Variants in KIAA1671 observed in about 807,000 individuals in gnomAD.
KIAA1671 encodes KIAA1671, also known as uncharacterized protein KIAA1671.
In KIAA1671, 52 loss-of-function variants were observed where a neutral mutation model predicts 131.2. That is an observed-to-expected ratio of 0.40 (90% CI 0.32 to 0.50). KIAA1671 has a LOEUF of 0.50. KIAA1671 is among the 20% of genes least tolerant of loss of function. The pLI, the probability that KIAA1671 is intolerant of heterozygous loss-of-function variation, is 0.73. For synonymous variants in KIAA1671, 1,003 were observed against 961.6 expected, an observed-to-expected ratio of 1.04 and a Z score of -0.80; for missense variants, 2,360 against 2,364.2, an observed-to-expected ratio of 1.00 and a Z score of 0.04.
At chr22:25,106,300 G>A (rs1269446636) in intron 6 of KIAA1671, among the ~76,000 whole-genome samples, 1 of 152,172 alleles carries the variant, frequency 6.6e-6, no homozygotes, top group Non-Finnish European at 1.5e-5. Flanking sequence ...CCTGAGTGTT[G>A]TGTTCTGTAT....
In KIAA1671 at chr22:25,174,361, T is replaced by C. The variant is rs1601382602; in HGVS notation, c.4771T>C (p.Ser1591Pro). Residue 1591 changes from serine to proline, a missense_variant, in exon 8 of 13, where the codon TCC (serine) becomes CCC (proline). By Grantham distance (74) the Ser-to-Pro change is moderately conservative. Transcript: ENST00000358431. ...PTSAGDQYDC[S>P]RDQRSTSVDH... ...CTCGGCAGGGGACCAGTATGACTGCTCCAGGGACCAGCGGAGCACCAGCGT... is the reference window on the plus strand; with the variant it reads ...CTCGGCAGGGGACCAGTATGACTGCCCCAGGGACCAGCGGAGCACCAGCGT... The C allele has an allele frequency of 6.4e-7, 1 of 1,551,986 alleles. No homozygotes were observed. The highest frequency in any genetic ancestry group is 2.0e-5 in the Admixed American group (1 of 50,996).
In KIAA1671 at chr22:25,189,311, T is replaced by A. The variant is rs1007092615; in HGVS notation, c.5343-1391T>A. Among the ~76,000 whole-genome samples the A allele has an allele frequency of 5.3e-5, 8 of 151,992 alleles. No individual in the cohort carries two copies. In the East Asian group the frequency reaches 1.5e-3, roughly 29 times the overall value. On this transcript the variant is annotated intron_variant, in intron 11 of 12. Coordinates refer to ENST00000358431, the MANE Select transcript of KIAA1671 (RefSeq NM_001145206.2). ...CCTCAGCCTCCTGAGTAGCTGGGAC[T>A]ACAGGCACCCACCACCACACCCGGC...
chr22:25,031,726 C>T (rs1170834692), intron 3 of KIAA1671, among the ~76,000 whole-genome samples: 2 of 152,168 alleles, frequency 1.3e-5, no homozygotes, highest in African/African-American at 4.8e-5. Context: ...ACACCTATGC[C>T]ACGGTCCTAA....
intron 6 of KIAA1671, among the ~76,000 whole-genome samples, chr22:25,157,228 A>T (rs575730480): frequency 6.6e-5 from 10 of 152,182 alleles, no homozygotes; most frequent in Middle Eastern, 3.4e-3. Context: ...GAGGTAGAAT[A>T]AAAAAAAGTC....
At chr22:25,052,781 A>G (rs1233478063) in intron 6 of KIAA1671, 7 of 152,054 alleles carry the variant, frequency 4.6e-5, no homozygotes, top group African/African-American at 1.4e-4. Flanking sequence ...CAGTGGCATA[A>G]TCTCGATTCA....
At chr22:25,152,743 C>T (rs1450944174) in intron 6 of KIAA1671, among the ~76,000 whole-genome samples, 2 of 152,130 alleles carry the variant, frequency 1.3e-5, no homozygotes, top group Non-Finnish European at 2.9e-5. Flanking sequence ...GCTGGGATTA[C>T]AGGTGCATGC....
intron 6 of KIAA1671, among the ~76,000 whole-genome samples, chr22:25,105,391 T>G (rs1193313013): frequency 2.0e-5 from 3 of 152,200 alleles, no homozygotes; most frequent in Non-Finnish European, 2.9e-5. Flanking sequence ...CCTCACATTG[T>G]AAAAGAAATT....
intron 10 of KIAA1671, among the ~76,000 whole-genome samples, chr22:25,182,398 CT>C (rs202199010): frequency 6.9e-6 from 1 of 145,238 alleles, no homozygotes; most frequent in Non-Finnish European, 1.5e-5. Flanking sequence ...TCCTTCCTTC[CT>C]TTTTTGTCCA....
In KIAA1671 at chr22:25,028,642, G is replaced by A; in HGVS notation, c.643G>A (p.Asp215Asn). 1 of 1,550,076 alleles carries A rather than the reference G, an allele frequency of 6.5e-7. No individual in the cohort carries two copies. Among genetic ancestry groups the A allele is most frequent in the Non-Finnish European group, 8.7e-7 (1 of 1,146,526 alleles). ...TGTACCCCAAGAGGAGGCAGGCCAA[G>A]ACCATCCTCCCTCAAAGGCCAGCAG... is the stretch of plus-strand genomic sequence containing the variant. ...PPVPQEEAGQDHPPSKASSVE... is the reference protein window; with the variant it reads ...PPVPQEEAGQNHPPSKASSVE... The change falls in exon 3 of 13, where the codon GAC becomes AAC. Residue 215 changes from aspartate to asparagine, a missense_variant. Around this residue, in one of 3 missense-constraint regions of KIAA1671, gnomAD observed 1,185 missense variants for 1,126.2 expected, o/e 1.05. Coordinates refer to ENST00000358431, the MANE Select transcript of KIAA1671 (RefSeq NM_001145206.2).
At chr22:25,071,533 A>G (rs1277875442) in intron 6 of KIAA1671, among the ~76,000 whole-genome samples, 1 of 149,898 alleles carries the variant, frequency 6.7e-6, no homozygotes, top group African/African-American at 2.4e-5. Context: ...TTTAATTACA[A>G]AAATAATGCA....
At chr22:25,004,909 G>A (rs192439626) in intron 1 of KIAA1671, among the ~76,000 whole-genome samples, 1 of 151,546 alleles carries the variant, frequency 6.6e-6, no homozygotes, top group African/African-American at 2.4e-5. Context: ...TGGCACCTCT[G>A]CACTCCAGCC....
chr22:25,096,437 C>T (rs1304409175), intron 6 of KIAA1671, among the ~76,000 whole-genome samples: 1 of 152,150 alleles, frequency 6.6e-6, no homozygotes, highest in Non-Finnish European at 1.5e-5. Context: ...TTAGCAGTCA[C>T]TCAAGACACA....
intron 6 of KIAA1671, among the ~76,000 whole-genome samples, chr22:25,107,017 C>T (rs2145905846): frequency 6.6e-6 from 1 of 152,168 alleles, no homozygotes. Context: ...GACACAGTGC[C>T]CCCCCACCCC....
intron 9 of KIAA1671, 59 bp downstream of exon 9, chr22:25,177,581 C>G: frequency 7.0e-7 from 1 of 1,423,052 alleles, no homozygotes; most frequent in Non-Finnish European, 9.4e-7. Context: ...AGGATTTAGA[C>G]TAAGCCCTAT....
chr22:25,156,930 C>T (rs1478093365), intron 6 of KIAA1671, among the ~76,000 whole-genome samples: 2 of 152,196 alleles, frequency 1.3e-5, no homozygotes, highest in Non-Finnish European at 2.9e-5. Flanking sequence ...AACAGGTTTA[C>T]ACGTACGCTG....
intron 6 of KIAA1671, among the ~76,000 whole-genome samples, chr22:25,169,913 C>T (rs1307525484): frequency 6.6e-6 from 1 of 152,034 alleles, no homozygotes; most frequent in African/African-American, 2.4e-5. Flanking sequence ...TGATTTGGGG[C>T]GTGTAATTTC....
chr22:25,063,480 G>A (rs945485535), intron 6 of KIAA1671: 2 of 152,270 alleles, frequency 1.3e-5, no homozygotes, highest in African/African-American at 4.8e-5. Flanking sequence ...AATATTATAT[G>A]TTCTCACTTA....
At chr22:25,185,324 C>G (rs1487547124) in intron 11 of KIAA1671, 1 of 583,438 alleles carries the variant, frequency 1.7e-6, no homozygotes, top group East Asian at 3.1e-5. Flanking sequence ...GGCCAGGAAT[C>G]AGGCCAGCTG....
intron 6 of KIAA1671, among the ~76,000 whole-genome samples, chr22:25,093,828 C>CTT (rs1930245547): frequency 2.3e-5 from 2 of 88,452 alleles, no homozygotes; most frequent in Admixed American, 1.1e-4. Flanking sequence ...CTCTCTTTCT[C>CTT]TCTCTGTCTG....
Sources: gnomAD v4.1 joint callset for allele counts (sites outside exome capture counted in the v4.1 genomes callset) on GRCh38, gnomAD v4.1.1 for gene constraint, gnomAD v4.1.1 regional missense constraint, MANE v1.5 for transcripts, NCBI Gene and HGNC (gene_info 2026-07-23, HGNC 2026-07-21) for gene names.